Variants in SCAPER observed in about 807,000 individuals in gnomAD.
SCAPER encodes S phase cyclin A-associated protein in the endoplasmic reticulum.
In SCAPER, 98 loss-of-function variants were observed where a neutral mutation model predicts 182.2. The ratio of observed to expected loss-of-function variants is 0.54; its 90% CI spans 0.46 to 0.64. The LOEUF (loss-of-function observed/expected upper bound fraction) is 0.64, where lower values mean the gene tolerates loss of function less well. Among genes scored for constraint, SCAPER ranks in the 30% least tolerant of loss-of-function variants. The pLI is 0.00. For synonymous variants in SCAPER, 605 were observed against 564.6 expected, an observed-to-expected ratio of 1.07 and a Z score of -1.01; for missense variants, 1,432 against 1,690.0, an observed-to-expected ratio of 0.85 and a Z score of 2.68.
intron 25 of SCAPER, among the ~76,000 whole-genome samples, chr15:76,454,387 A>G (rs2048576627): frequency 6.6e-6 from 1 of 152,064 alleles, no homozygotes; most frequent in African/African-American, 2.4e-5. Flanking sequence ...TTTTAAGTAA[A>G]ATTTAAATAA....
Position 76,652,343 on chromosome 15 carries a change from T to TATAC in SCAPER, c.2645+13309_2645+13310insGTAT, listed in dbSNP as rs1414716447. Reference sequence around the variant, plus strand: ...ACACACACACACACATACACATATATACACACACACACACACACACACACA... The same window carrying TATAC: ...ACACACACACACACATACACATATATATACACACACACACACACACACACACACA... On this transcript the variant is annotated intron_variant, in intron 21 of 31. Coordinates refer to ENST00000563290, the MANE Select transcript of SCAPER (RefSeq NM_020843.4). 1.2e-3 allele frequency among the ~76,000 whole-genome samples: 15 copies of TATAC among 12,234 alleles called. 1 individual carries two copies. Among genetic ancestry groups the TATAC allele is most frequent in the Middle Eastern group, 0.026 (1 of 38 alleles). The allele number at this position is 12,234 out of a possible 152,430, so 8.0% of individuals were successfully genotyped here.
chr15:76,738,365 C>T (rs1392001542), intron 15 of SCAPER, among the ~76,000 whole-genome samples: 1 of 152,044 alleles, frequency 6.6e-6, no homozygotes, highest in Non-Finnish European at 1.5e-5. Flanking sequence ...TTTTGACAAG[C>T]CTTCCTCAAT....
At chr15:76,370,568 G>A (rs941586911) in intron 29 of SCAPER, among the ~76,000 whole-genome samples, 2 of 152,124 alleles carry the variant, frequency 1.3e-5, no homozygotes, top group Admixed American at 1.3e-4. Flanking sequence ...GCTGCCCAAA[G>A]TGCTGGGATT....
chr15:76,810,538 C>CAAA (rs1381646498), intron 5 of SCAPER, among the ~76,000 whole-genome samples: 1 of 107,248 alleles, frequency 9.3e-6, no homozygotes, highest in Non-Finnish European at 2.0e-5. Flanking sequence ...TCTAGCAATA[C>CAAA]AAAAAAAAAA....
chr15:76,612,063 T>C (rs939067942), intron 22 of SCAPER, among the ~76,000 whole-genome samples: 1 of 152,162 alleles, frequency 6.6e-6, no homozygotes, highest in African/African-American at 2.4e-5. Context: ...TCACCACTCC[T>C]ATTCAACATA....
intron 23 of SCAPER, among the ~76,000 whole-genome samples, chr15:76,506,379 CATAT>C (rs1277352524): frequency 2.6e-5 from 4 of 151,448 alleles, no homozygotes; most frequent in Admixed American, 6.6e-5. Flanking sequence ...ACCATAAATA[CATAT>C]ATAAACTATG....
intron 4 of SCAPER, among the ~76,000 whole-genome samples, chr15:76,850,747 C>T (rs2070654240): frequency 6.6e-6 from 1 of 151,204 alleles, no homozygotes; most frequent in South Asian, 2.1e-4. Flanking sequence ...GTAATCCCAG[C>T]TACTCAGGAG....
chr15:76,431,947 G>C (rs1246307180), intron 26 of SCAPER, among the ~76,000 whole-genome samples: 1 of 152,102 alleles, frequency 6.6e-6, no homozygotes, highest in Non-Finnish European at 1.5e-5. Context: ...GAAGGTATTA[G>C]GGGAAAAATA....
chr15:76,654,195 G>A (rs2055413221), intron 21 of SCAPER, among the ~76,000 whole-genome samples: 1 of 152,150 alleles, frequency 6.6e-6, no homozygotes. Context: ...GAGGTCAGGA[G>A]ATCAAGACCA....
intron 22 of SCAPER, among the ~76,000 whole-genome samples, chr15:76,615,602 C>G (rs891232767): frequency 2.0e-5 from 3 of 151,302 alleles, no homozygotes; most frequent in Non-Finnish European, 4.4e-5. Flanking sequence ...AGGCAGATCA[C>G]GAGGTCAGGA....
In SCAPER at chr15:76,404,520, T is replaced by G; in HGVS notation, c.3467+4A>C. The stretch of plus-strand genomic sequence containing the variant: ...TCTAGATTGAGATCAAGTAGATGCC[T>G]TACCTTCCAGTGACAGCAAAGCACA... On this transcript the variant is annotated splice_donor_region_variant and intron_variant, in intron 27 of 31. Transcript: ENST00000563290. 6.3e-7 allele frequency: 1 copy of G among 1,596,358 alleles called. No homozygotes were observed. Among genetic ancestry groups the G allele is most frequent in the Non-Finnish European group, 8.6e-7 (1 of 1,167,964 alleles).
chr15:76,605,258 T>A (rs1316683724), intron 22 of SCAPER, among the ~76,000 whole-genome samples: 2 of 152,194 alleles, frequency 1.3e-5, no homozygotes, highest in Non-Finnish European at 2.9e-5. Flanking sequence ...GTCAAAGGCC[T>A]TTTCTGCATC....
chr15:76,469,240 T>C (rs2049937062), intron 25 of SCAPER, among the ~76,000 whole-genome samples: 3 of 152,188 alleles, frequency 2.0e-5, no homozygotes, highest in African/African-American at 7.2e-5. Flanking sequence ...TAGAATAAGC[T>C]TCATGGAGTA....
At chr15:76,793,203 CTGT>C (rs2065110704) in intron 8 of SCAPER, 9 of 1,147,490 alleles carry the variant, frequency 7.8e-6, no homozygotes, top group Non-Finnish European at 1.1e-5. Flanking sequence ...TCTATAGCTA[CTGT>C]TATTATATAT....
intron 23 of SCAPER, 59 bp downstream of exon 23, chr15:76,574,099 G>A (rs2047647297): frequency 6.5e-7 from 1 of 1,539,038 alleles, no homozygotes; most frequent in Admixed American, 1.9e-5. Flanking sequence ...TCTATGTACT[G>A]TCATAGTGAG....
At chr15:76,765,215 T>C (rs1206713740) in intron 13 of SCAPER, 122 bp downstream of exon 13, 2 of 1,020,760 alleles carry the variant, frequency 2.0e-6, no homozygotes, top group Non-Finnish European at 1.4e-6. Context: ...TACTTTTCAA[T>C]GGATCTGAAA....
At chr15:76,622,188 A>G (rs1472571989) in intron 21 of SCAPER, among the ~76,000 whole-genome samples, 1 of 152,200 alleles carries the variant, frequency 6.6e-6, no homozygotes, top group East Asian at 1.9e-4. Flanking sequence ...GCTTGCCTAA[A>G]CTAGTAGGTG....
intron 21 of SCAPER, among the ~76,000 whole-genome samples, chr15:76,639,320 C>T (rs2053908305): frequency 6.6e-6 from 1 of 152,286 alleles, no homozygotes; most frequent in Admixed American, 6.5e-5. Context: ...AACATTTTCT[C>T]TACGATATTA....
intron 21 of SCAPER, among the ~76,000 whole-genome samples, chr15:76,639,271 A>AT (rs2053902312): frequency 1.3e-5 from 2 of 152,214 alleles, no homozygotes; most frequent in Non-Finnish European, 2.9e-5. Flanking sequence ...CCTAAAGGTC[A>AT]TATTACTAAT....
Sources: gnomAD v4.1 joint callset for allele counts (sites outside exome capture counted in the v4.1 genomes callset) on GRCh38, gnomAD v4.1.1 for gene constraint, MANE v1.5 for transcripts, NCBI Gene and HGNC (gene_info 2026-07-23, HGNC 2026-07-21) for gene names.